RPL38: variants seen among roughly 807,000 people sequenced by gnomAD.
The protein encoded by RPL38 is large ribosomal subunit protein eL38.
Under a neutral mutation model 12.8 loss-of-function variants are expected in RPL38, and 2 were observed. The ratio of observed to expected loss-of-function variants is 0.16; its 90% confidence interval spans 0.06 to 0.49. RPL38 has a LOEUF of 0.49. RPL38 is among the 20% of genes least tolerant of loss of function. The probability of loss-of-function intolerance (pLI) is 0.96; values close to 1 mark genes in which losing one functional copy is unlikely to be tolerated. For synonymous variants in RPL38, 42 were observed against 30.1 expected (o/e 1.39, Z -1.29); for missense variants, 52 against 79.8 (o/e 0.65, Z 1.33).
At chr17:74,204,427 G>A (rs923689387) in intron 3 of RPL38, 1 of 549,740 alleles carries the variant, frequency 1.8e-6, no homozygotes, top group African/African-American at 1.9e-5. Context: ...AGGCCGCCCT[G>A]AGTTCAGTTT....
At position 74,210,342 on chromosome 17, in the gene RPL38, A is replaced by G. The variant is rs2050155520; in HGVS notation, c.*513A>G. On this transcript the variant is annotated 3_prime_UTR_variant, in exon 5 of 5. Coordinates refer to ENST00000311111, the MANE Select transcript of RPL38 (RefSeq NM_000999.4). The stretch of plus-strand genomic sequence containing the variant: ...GTGGGGAGGCCATGATGGAAATAGC[A>G]CGTGGGGTTAAACATAACTGGCAGA... 1 of 153,990 alleles carries G rather than the reference A, an allele frequency of 6.5e-6. No individual in the cohort carries two copies. Among genetic ancestry groups the G allele is most frequent in the Non-Finnish European group, 1.4e-5 (1 of 69,248 alleles). The allele number at this position is 153,990 out of a possible 1,614,324, so 9.5% of individuals were successfully genotyped here.
chr17:74,204,159 C>T lies in RPL38; in HGVS notation c.33C>T (p.Phe11=), dbSNP rs768453680. Residue 11 remains phenylalanine (F), a synonymous_variant, in exon 3 of 5, where the codon TTC becomes TTT. Coordinates refer to ENST00000311111, the MANE Select transcript of RPL38 (RefSeq NM_000999.4). ...GGAAAATTGAGGAAATCAAGGACTT[C>T]CTGCTCACAGCCCGACGAAAGGATG... MPRKIEEIKD[F]LLTARRKDAK... is the part of the protein sequence containing the mutation. 3.5e-5 allele frequency: 56 copies of T among 1,614,076 alleles called. No individual in the cohort carries two copies. The highest frequency in any genetic ancestry group is 2.2e-4 in the South Asian group (20 of 91,088).
chr17:74,204,208 A>G lies in RPL38; in HGVS notation c.64+18A>G. On this transcript the variant is annotated intron_variant, in intron 3 of 4. Coordinates refer to ENST00000311111, the MANE Select transcript of RPL38 (RefSeq NM_000999.4). ...TGCCAAATGTAAGTGGTTGCTCCGA[A>G]GGTTCAAGAAGAGCGGTGCCTAGCC... 6.2e-7 allele frequency: 1 copy of G among 1,612,678 alleles called. No homozygotes were observed. The highest frequency in any genetic ancestry group is 2.2e-5 in the East Asian group (1 of 44,880).
At chr17:74,204,283 T>C in intron 3 of RPL38, 93 bp downstream of exon 3, 2 of 1,161,154 alleles carry the variant, frequency 1.7e-6, no homozygotes, top group Non-Finnish European at 1.3e-6. Context: ...AGGAGACGGT[T>C]AGGCCGTCTG....
intron 3 of RPL38, chr17:74,204,743 C>G (rs1335824159): frequency 6.6e-6 from 1 of 152,408 alleles, no homozygotes; most frequent in Non-Finnish European, 1.5e-5. Context: ...GCTCTGTCGC[C>G]CAGGCTGGAT....
At chr17:74,203,786 C>T (rs1021191708) in intron 1 of RPL38, 41 bp downstream of exon 1, 9 of 806,724 alleles carry the variant, frequency 1.1e-5, no homozygotes, top group Admixed American at 5.8e-5. Context: ...ATCTGGGGAC[C>T]CCAGGTCCGC....
At position 74,207,746 on chromosome 17, in the gene RPL38, TCCAC is replaced by T. The variant is rs372048693; in HGVS notation, c.65-1435_65-1432del. Among the ~76,000 whole-genome samples the T allele has an allele frequency of 1.2e-3, 182 of 152,166 alleles. 2 individuals are homozygous for T. Among genetic ancestry groups the T allele is most frequent in the African/African-American group, 4.3e-3 (178 of 41,516 alleles). On this transcript the variant is annotated intron_variant, in intron 3 of 4. Coordinates refer to ENST00000311111, the MANE Select transcript of RPL38 (RefSeq NM_000999.4). ...GTCTCGAACTCCCGACCTCAGGTGA[TCCAC>T]CCACCTCAGCCTCCCAAAGTGCTGG...
chr17:74,209,517 G>T (rs537819673), intron 4 of RPL38: 46 of 674,530 alleles, frequency 6.8e-5, no homozygotes, highest in Non-Finnish European at 1.1e-4. Flanking sequence ...CCAGAAGAGC[G>T]GTTAGAGCTC....
intron 3 of RPL38, chr17:74,205,296 C>G (rs2050102680): frequency 6.6e-6 from 1 of 152,110 alleles, no homozygotes; most frequent in African/African-American, 2.4e-5. Flanking sequence ...TTACTTTAAC[C>G]CAGTCATCTT....
intron 3 of RPL38, among the ~76,000 whole-genome samples, chr17:74,207,533 A>ATT (rs200923343): frequency 6.1e-5 from 9 of 148,302 alleles, no homozygotes; most frequent in African/African-American, 2.2e-4. Context: ...TTTTTTATTT[A>ATT]TTTTTTTTTT....
intron 3 of RPL38, 99 bp downstream of exon 3, chr17:74,204,289 G>T: frequency 1.9e-6 from 2 of 1,036,112 alleles, no homozygotes; most frequent in South Asian, 1.3e-5. Flanking sequence ...CGGTTAGGCC[G>T]TCTGGGTGTG....
intron 4 of RPL38, 79 bp from the exon 5 acceptor site, chr17:74,209,720 TTTAGC>T: frequency 1.6e-6 from 2 of 1,215,410 alleles, no homozygotes; most frequent in Non-Finnish European, 2.4e-6. Flanking sequence ...GTGTGCTCTC[TTTAGC>T]TTAAGTACAA....
At chr17:74,205,297 C>T (rs2050102717) in intron 3 of RPL38, 1 of 152,168 alleles carries the variant, frequency 6.6e-6, no homozygotes, top group South Asian at 2.1e-4. Flanking sequence ...TACTTTAACC[C>T]AGTCATCTTT....
rs1011625763 is a variant in RPL38 at position 74,210,648 on chromosome 17, A to G, written c.*819A>G. ...GACTGGCATCATAAAATCTGTCTTCATACCCGAGGTAGTGTTTTTTGTTTT... is the reference window on the plus strand; with the variant it reads ...GACTGGCATCATAAAATCTGTCTTCGTACCCGAGGTAGTGTTTTTTGTTTT... On this transcript the variant is annotated 3_prime_UTR_variant, in exon 5 of 5. Transcript: ENST00000311111. 1 of 152,268 alleles carries G rather than the reference A, an allele frequency of 6.6e-6. No homozygotes were observed. Among genetic ancestry groups the G allele is most frequent in the Non-Finnish European group, 1.5e-5 (1 of 68,064 alleles). The allele number at this position is 152,268 out of a possible 1,614,324, so 9.4% of individuals were successfully genotyped here. A position where few individuals can be genotyped will look rare whatever the true frequency, so the allele number is the denominator to read the frequency against.
chr17:74,205,344 G>C (rs1445248707), intron 3 of RPL38: 1 of 152,348 alleles, frequency 6.6e-6, no homozygotes, highest in Middle Eastern at 3.4e-3. Flanking sequence ...ATGTGGAAGT[G>C]AGGTTGCATG....
intron 3 of RPL38, among the ~76,000 whole-genome samples, chr17:74,206,708 C>CTTTTTTTTTTTTTTTT (rs35333460): frequency 3.6e-4 from 37 of 101,588 alleles, no homozygotes; most frequent in Middle Eastern, 6.6e-3. Flanking sequence ...TTTTTTCTTT[C>CTTTTTTTTTTTTTTTT]TTTTTTTTTT....
At chr17:74,209,407 G>T in intron 4 of RPL38, 98 bp downstream of exon 4, 1 of 1,427,714 alleles carries the variant, frequency 7.0e-7, no homozygotes, top group Non-Finnish European at 9.6e-7. Context: ...TCAGATTTCA[G>T]AGCCCATTTT....
Position 74,206,726 on chromosome 17 carries a change from T to TC in RPL38, c.65-2461_65-2460insC, listed in dbSNP as rs1364915977. ...TTTCTTTCTTTTTTTTTTTTTTTTT[T>TC]TTTTGACATGGAATGTCACTCTGTT... On this transcript the variant is annotated intron_variant, in intron 3 of 4. Coordinates refer to ENST00000311111, the MANE Select transcript of RPL38 (RefSeq NM_000999.4). 8.4e-3 allele frequency among the ~76,000 whole-genome samples: 1,214 copies of TC among 145,280 alleles called. 16 individuals are homozygous for TC. The highest frequency in any genetic ancestry group is 0.03 in the African/African-American group (1,139 of 38,056).
Position 74,203,764 on chromosome 17 carries a change from C to G in RPL38, c.-39+19C>G. On this transcript the variant is annotated intron_variant, in intron 1 of 4. Coordinates refer to ENST00000311111, the MANE Select transcript of RPL38 (RefSeq NM_000999.4). Reference sequence around the variant, plus strand: ...GAGAAAGGTAATCTGGGGCAATCCACTGCCAGGTGAAATCTGGGGACCCCA... The same window carrying G: ...GAGAAAGGTAATCTGGGGCAATCCAGTGCCAGGTGAAATCTGGGGACCCCA... The G allele has an allele frequency of 1.5e-6, 1 of 651,040 alleles. No homozygotes were observed. The highest frequency in any genetic ancestry group is 2.7e-6 in the Non-Finnish European group (1 of 373,796). The allele number at this position is 651,040 out of a possible 1,614,324, so 40.3% of individuals were successfully genotyped here.
Sources: gnomAD v4.1 joint callset for allele counts (sites outside exome capture counted in the v4.1 genomes callset) on GRCh38, gnomAD v4.1.1 for gene constraint, MANE v1.5 for transcripts, NCBI Gene and HGNC (gene_info 2026-07-23, HGNC 2026-07-21) for gene names.